HDAC8: variants seen among roughly 807,000 people sequenced by gnomAD.
HDAC8 encodes the protein histone deacetylase 8.
In HDAC8, 1 loss-of-function variant was observed where a neutral mutation model predicts 32.2. That is an observed-to-expected ratio of 0.03 (90% CI 0.01 to 0.15). The LOEUF is 0.15. HDAC8 is among the 10% of genes least tolerant of loss of function. The probability of loss-of-function intolerance (pLI) is 1.00; values close to 1 mark genes in which losing one functional copy is unlikely to be tolerated. For missense variants in HDAC8, 117 were observed against 300.0 expected (o/e 0.39, Z 4.51); for synonymous variants, 108 against 113.9 (o/e 0.95, Z 0.33).
chrX:72,487,649 C>G (rs963959588), intron 7 of HDAC8, among the ~76,000 whole-genome samples: 1 of 107,976 alleles, frequency 9.3e-6, no homozygotes, highest in African/African-American at 3.4e-5. Flanking sequence ...GAGTGCTGAC[C>G]TTTCAATTAA....
rs1313639964 is a variant in HDAC8, at chrX:72,435,349, A to G, written c.1005+26655T>C. Among the ~76,000 whole-genome samples the G allele has an allele frequency of 2.7e-5, 3 of 111,527 alleles. No homozygotes were observed. In the East Asian group the frequency reaches 8.4e-4, roughly 31 times the overall value. On this transcript the variant is annotated intron_variant, in intron 9 of 10. Coordinates refer to ENST00000373573, the MANE Select transcript of HDAC8 (RefSeq NM_018486.3). ...TCACCAGAGTCTCAAAAGACCTAAAATCTACAGGTCCCAATAAAAATTCCT... is the reference window on the plus strand; with the variant it reads ...TCACCAGAGTCTCAAAAGACCTAAAGTCTACAGGTCCCAATAAAAATTCCT...
At chrX:72,405,469 G>T (rs1451699317) in intron 9 of HDAC8, among the ~76,000 whole-genome samples, 1 of 112,048 alleles carries the variant, frequency 8.9e-6, no homozygotes, top group Non-Finnish European at 1.9e-5. Context: ...CATTCCTTTG[G>T]GTATATACCC....
At chrX:72,500,456 A>G (rs2049172528) in intron 4 of HDAC8, among the ~76,000 whole-genome samples, 1 of 112,244 alleles carries the variant, frequency 8.9e-6, no homozygotes, top group Admixed American at 9.4e-5. Flanking sequence ...CATCTCTACG[A>G]TGCAAGGTTG....
At chrX:72,394,293 T>C (rs1555964953) in intron 9 of HDAC8, among the ~76,000 whole-genome samples, 3 of 111,201 alleles carry the variant, frequency 2.7e-5, no homozygotes. Context: ...ATTCTCTCCA[T>C]GTGTAGACGG....
At chrX:72,444,746 G>T (rs1357807539) in intron 9 of HDAC8, among the ~76,000 whole-genome samples, 49 of 100,311 alleles carry the variant, frequency 4.9e-4, no homozygotes, top group African/African-American at 1.8e-3. Context: ...AAGTCAAATT[G>T]TCCCTGTTTG....
At chrX:72,485,492 C>G in intron 7 of HDAC8, among the ~76,000 whole-genome samples, 1 of 110,720 alleles carries the variant, frequency 9.0e-6, no homozygotes, top group East Asian at 2.8e-4. Flanking sequence ...AAGTTCCTGC[C>G]TGACTAGCTG....
chrX:72,556,480 A>G (rs978176630), intron 4 of HDAC8, among the ~76,000 whole-genome samples: 3 of 111,615 alleles, frequency 2.7e-5, no homozygotes. Flanking sequence ...AGAATTCACC[A>G]ACCGAGTTTC....
At chrX:72,437,323 TC>T (rs1213743314) in intron 9 of HDAC8, among the ~76,000 whole-genome samples, 3 of 111,807 alleles carry the variant, frequency 2.7e-5, no homozygotes, top group African/African-American at 9.8e-5. Flanking sequence ...ACTACACTTT[TC>T]CCATGGACTT....
intron 5 of HDAC8, among the ~76,000 whole-genome samples, chrX:72,493,504 C>T (rs782394861): frequency 2.7e-5 from 3 of 111,562 alleles, no homozygotes; most frequent in Non-Finnish European, 3.8e-5. Flanking sequence ...CATCCTGATG[C>T]ACTTTCAAGT....
At chrX:72,418,336 A>G (rs1039139326) in intron 9 of HDAC8, among the ~76,000 whole-genome samples, 2 of 111,838 alleles carry the variant, frequency 1.8e-5, no homozygotes, top group Non-Finnish European at 3.8e-5. Flanking sequence ...TAAACAAATA[A>G]GCAAAAAACA....
At chrX:72,406,222 CTACTT>C (rs1272735851) in intron 9 of HDAC8, among the ~76,000 whole-genome samples, 1 of 111,367 alleles carries the variant, frequency 9.0e-6, no homozygotes, top group Non-Finnish European at 1.9e-5. Context: ...ACAACTAGGT[CTACTT>C]TATTTATTTA....
chrX:72,489,399 C>G (rs1275137682), intron 6 of HDAC8: 1 of 165,111 alleles, frequency 6.1e-6, no homozygotes. Context: ...ATAAAAATCA[C>G]CTGGAAAAAG....
At chrX:72,484,599 G>A (rs1342930846) in intron 7 of HDAC8, among the ~76,000 whole-genome samples, 1 of 111,733 alleles carries the variant, frequency 8.9e-6, no homozygotes, top group Non-Finnish European at 1.9e-5. Context: ...AAACTTTCTG[G>A]CTGTTAGGGC....
In HDAC8 at chrX:72,329,683, A is replaced by C; in HGVS notation, c.*371T>G. ...GCCTGTCAGCTGCCTCCTGCCCTAC[A>C]AACTGGTGACTGCTCTCATCCAGCT... On this transcript the variant is annotated 3_prime_UTR_variant, in exon 11 of 11. Transcript: ENST00000373573. The C allele has an allele frequency of 8.4e-7, 1 of 1,189,578 alleles. No individual in the cohort carries two copies. Among genetic ancestry groups the C allele is most frequent in the Non-Finnish European group, 1.1e-6 (1 of 884,191 alleles).
chrX:72,516,864 T>C (rs2049823310), intron 4 of HDAC8, among the ~76,000 whole-genome samples: 1 of 112,590 alleles, frequency 8.9e-6, no homozygotes, highest in African/African-American at 3.2e-5. Flanking sequence ...ATGTGGCCTA[T>C]GGCAACTTCT....
At chrX:72,525,461 T>C (rs782789571) in intron 4 of HDAC8, among the ~76,000 whole-genome samples, 1 of 110,564 alleles carries the variant, frequency 9.0e-6, no homozygotes, top group East Asian at 2.9e-4. Flanking sequence ...CCTCTTGTCT[T>C]GGCCCCTCAA....
intron 8 of HDAC8, 65 bp downstream of exon 8, chrX:72,464,494 T>A: frequency 1.0e-6 from 1 of 972,249 alleles, no homozygotes; most frequent in African/African-American, 1.9e-5. Flanking sequence ...TTTTCCAAGT[T>A]CAGTGCCAAT....
At chrX:72,499,176 T>C (rs782349391) in intron 4 of HDAC8, among the ~76,000 whole-genome samples, 1 of 111,918 alleles carries the variant, frequency 8.9e-6, no homozygotes, top group East Asian at 2.8e-4. Context: ...GTAAGCCAAA[T>C]ACCTCTTTTC....
chrX:72,535,566 TTA>T (rs1461965400), intron 4 of HDAC8, among the ~76,000 whole-genome samples: 2 of 111,808 alleles, frequency 1.8e-5, no homozygotes, highest in African/African-American at 6.5e-5. Context: ...GCTCTTTGCT[TTA>T]TGTTAGTGCA....
Sources: allele counts gnomAD v4.1 joint callset (sites outside exome capture counted in the v4.1 genomes callset), GRCh38; gene constraint gnomAD v4.1.1; transcripts MANE v1.5; gene names NCBI Gene and HGNC (gene_info 2026-07-23, HGNC 2026-07-21).